ANO7: variants seen among roughly 807,000 people sequenced by gnomAD.
The protein encoded by ANO7 is anoctamin 7, also known as anoctamin-7.
A neutral mutation model predicts 115.8 loss-of-function variants in ANO7; 114 were observed. The observed-to-expected ratio is 0.98, with a 90% CI of 0.85 to 1.15. The LOEUF is 1.15. ANO7 is among the 50% of genes most tolerant of loss of function. ANO7 has a pLI of 0.00. For missense variants in ANO7, 1,302 were observed against 1,201.2 expected (o/e 1.08, Z -1.24); for synonymous variants, 550 against 498.2 (o/e 1.10, Z -1.38).
At chr2:241,229,549 T>G, downstream of ANO7, 1 of 1,301,796 alleles carries the variant, frequency 7.7e-7, no homozygotes, top group Non-Finnish European at 1.1e-6. Context: ...CAAACCATTG[T>G]GTGGTTGGGT....
chr2:241,202,210 C>T lies in ANO7; in HGVS notation c.629C>T (p.Ala210Val), dbSNP rs1385394217. Residue 210 changes from alanine (A) to valine (V), a missense_variant, in exon 8 of 25, where the codon GCC becomes GTC. Physicochemically the swap from Ala to Val is moderately conservative, Grantham distance 64. Coordinates refer to ENST00000674324, the MANE Select transcript of ANO7 (RefSeq NM_001370694.2). ...CCCCTGCAGCTGTTTGAGATCCTGG[C>T]CAAGACCCCGTATGGCCACGAGAAG... ...KRHQILFEIL[A>V]KTPYGHEKKN... 6.2e-7 allele frequency: 1 copy of T among 1,613,780 alleles called. No homozygotes were observed. Among genetic ancestry groups the T allele is most frequent in the South Asian group, 1.1e-5 (1 of 91,086 alleles).
At chr2:241,233,668 C>T in the ANO7 span, 3 of 786,788 alleles carry the variant, frequency 3.8e-6, no homozygotes, top group Admixed American at 5.1e-5. The surrounding 1 kb of genome is among the most constrained non-coding windows in gnomAD (Gnocchi z 4.3). Context: ...AGACACAGCC[C>T]AAACCTCAAG....
chr2:241,227,356 C>A (rs1056860340), downstream of ANO7: 1 of 152,538 alleles, frequency 6.6e-6, no homozygotes, highest in Non-Finnish European at 1.5e-5. Context: ...TGAGCCTTTA[C>A]ACATGTTTGC....
chr2:241,216,935 G>C (rs1204320269), intron 19 of ANO7, among the ~76,000 whole-genome samples: 4 of 152,244 alleles, frequency 2.6e-5, no homozygotes, highest in Non-Finnish European at 5.9e-5. Flanking sequence ...CCAGGTTCAA[G>C]CAATTCTCCT....
intron 19 of ANO7, 93 bp from the exon 20 acceptor site, chr2:241,217,593 C>T: frequency 2.2e-6 from 3 of 1,390,034 alleles, no homozygotes; most frequent in Non-Finnish European, 2.0e-6. Flanking sequence ...GGTGGCGGCA[C>T]CACGTGGACT....
At chr2:241,234,985 C>A in the ANO7 span, 1 of 1,020,098 alleles carries the variant, frequency 9.8e-7, no homozygotes, top group South Asian at 1.5e-5. Flanking sequence ...TGACTGCGTC[C>A]TGGCACTGCC....
chr2:241,196,242 G>GT lies in ANO7; in HGVS notation c.309+398dup, dbSNP rs1425172852. The stretch of plus-strand genomic sequence containing the variant: ...AAGTCCTTTCACATGTTTGCTTTCG[G>GT]TGATAATGGTAGGTACCACTTAGAA... On this transcript the variant is annotated intron_variant, in intron 4 of 24. Coordinates refer to ENST00000674324, the MANE Select transcript of ANO7 (RefSeq NM_001370694.2). The GT allele has an allele frequency of 3.1e-5, 29 of 923,828 alleles. No individual in the cohort carries two copies. In the African/African-American group the frequency reaches 4.4e-4, roughly 14 times the overall value. The allele number at this position is 923,828 out of a possible 1,614,324, so 57.2% of individuals were successfully genotyped here.
the ANO7 span, chr2:241,231,127 G>A: frequency 1.7e-6 from 1 of 578,732 alleles, no homozygotes; most frequent in Non-Finnish European, 3.1e-6. Context: ...GCTCACGCCT[G>A]TAATCCCAGC....
chr2:241,214,952 A>G (rs1396753588), intron 18 of ANO7, 50 bp downstream of exon 18: 3 of 1,551,998 alleles, frequency 1.9e-6, no homozygotes, highest in Non-Finnish European at 2.6e-6. Flanking sequence ...GAGGGACCCC[A>G]GAGCACCTGG....
In ANO7 at chr2:241,203,510, C is replaced by G. The variant is rs1432862553; in HGVS notation, c.889+12C>G. 10 of 1,455,690 alleles carry G rather than the reference C, an allele frequency of 6.9e-6. No individual in the cohort carries two copies. The highest frequency in any genetic ancestry group is 1.5e-5 in the African/African-American group (1 of 68,346). 90.2% of individuals were successfully genotyped at this position (1,455,690 alleles called of 1,614,324 possible). On this transcript the variant is annotated intron_variant, in intron 9 of 24. Coordinates refer to ENST00000674324, the MANE Select transcript of ANO7 (RefSeq NM_001370694.2). The surrounding 1 kb of genome is among the most constrained non-coding windows in gnomAD (Gnocchi z 4.8). ...CTTCGCCTGGCTCGGTGAGTCCCCC[C>G]CGCTGCCCCCCAGACCACCTGGGCC...
chr2:241,206,382 T>C (rs1358696721), intron 10 of ANO7, among the ~76,000 whole-genome samples: 1 of 15,394 alleles, frequency 6.5e-5, no homozygotes, highest in Non-Finnish European at 1.0e-4. Flanking sequence ...GTGCTCCCAG[T>C]CTGACAGGTG....
At chr2:241,237,286 T>A in the ANO7 span, among the ~76,000 whole-genome samples, 155 of 152,246 alleles carry the variant, frequency 1.0e-3, 1 homozygote, top group South Asian at 0.029. Context: ...TGCCAGCTCC[T>A]TATGCCAGAA....
In ANO7 at chr2:241,214,792, C is replaced by T. The variant is rs776541311; in HGVS notation, c.1729-13C>T. 4 of 1,609,148 alleles carry T rather than the reference C, an allele frequency of 2.5e-6. No homozygotes were observed. The East Asian group carries it at 6.7e-5, about 27-fold the overall frequency. On this transcript the variant is annotated splice_polypyrimidine_tract_variant and intron_variant, in intron 17 of 24. Transcript: ENST00000674324. The stretch of plus-strand genomic sequence containing the variant: ...TCCCCCTCTCCCAGCTAACCTGAGC[C>T]CTGCTGCCGTAGTGCGCGGCTGGAG...
chr2:241,238,453 G>A, the ANO7 span: 1 of 435,580 alleles, frequency 2.3e-6, no homozygotes, highest in Non-Finnish European at 4.0e-6. This position sits in a 1 kb window ranked among gnomAD's most constrained non-coding sequence, Gnocchi z 4.9. Flanking sequence ...AGGTCACCTG[G>A]TCACTCTGTC....
the ANO7 span, among the ~76,000 whole-genome samples, chr2:241,234,901 A>G: frequency 6.6e-6 from 1 of 152,286 alleles, no homozygotes; most frequent in African/African-American, 2.4e-5. Context: ...CGGAAGTCCA[A>G]CTTTGTCACT....
In ANO7 at chr2:241,210,384, C is replaced by G; in HGVS notation, c.1449C>G (p.Leu483=). 1 of 1,614,050 alleles carries G rather than the reference C, an allele frequency of 6.2e-7. No homozygotes were observed. The highest frequency in any genetic ancestry group is 8.5e-7 in the Non-Finnish European group (1 of 1,180,006). The change falls in exon 14 of 25, where the codon CTC becomes CTG. Residue 483 remains leucine (L), a synonymous_variant. Coordinates refer to ENST00000674324, the MANE Select transcript of ANO7 (RefSeq NM_001370694.2). ...TGTCCAGGTCGGGCAACACCCTTCT[C>G]GCAGCCTGGGTGAGCCTCTGCTGCC... ...IVVSRSGNTL[L]AAWASRIASL...
chr2:241,217,136 C>G (rs2068850370), intron 19 of ANO7, among the ~76,000 whole-genome samples: 1 of 152,204 alleles, frequency 6.6e-6, no homozygotes, highest in Non-Finnish European at 1.5e-5. Context: ...GCCCGGCAGG[C>G]AGCTCTTAAC....
At chr2:241,189,299 T>C (rs1444997) in intron 1 of ANO7, among the ~76,000 whole-genome samples, 134,396 of 152,206 alleles carry the variant, frequency 0.88, 59,655 homozygotes, top group African/African-American at 0.97. Context: ...TAATGTGAAG[T>C]GAAGGGTAGA....
At chr2:241,213,582 G>A (rs1185754390) in intron 17 of ANO7, among the ~76,000 whole-genome samples, 1 of 152,168 alleles carries the variant, frequency 6.6e-6, no homozygotes, top group African/African-American at 2.4e-5. Flanking sequence ...CCGTAGAGAA[G>A]CCCTCAAAAC....
Sources: gnomAD v4.1 joint callset for allele counts (sites outside exome capture counted in the v4.1 genomes callset) on GRCh38, gnomAD v4.1.1 for gene constraint, Gnocchi (gnomAD v3.1) non-coding constraint, MANE v1.5 for transcripts, NCBI Gene and HGNC (gene_info 2026-07-23, HGNC 2026-07-21) for gene names.